BARHL1: variants seen among roughly 807,000 people sequenced by gnomAD.
BARHL1 encodes the protein barH-like 1 homeobox protein.
In BARHL1, 2 loss-of-function variants were observed where a neutral mutation model predicts 20.1. That is an observed-to-expected ratio of 0.10 (90% CI 0.04 to 0.31). The LOEUF is 0.31. Ranked by LOEUF, BARHL1 falls within the 10% of genes least tolerant of loss-of-function variation. The pLI is 1.00. For synonymous variants in BARHL1, 213 were observed against 209.9 expected, an observed-to-expected ratio of 1.01 and a Z score of -0.13; for missense variants, 397 against 454.0, an observed-to-expected ratio of 0.87 and a Z score of 1.14.
At chr9:132,584,167 A>AAGGG (rs915937470) in intron 1 of BARHL1, among the ~76,000 whole-genome samples, 67 of 139,170 alleles carry the variant, frequency 4.8e-4, no homozygotes, top group East Asian at 1.4e-3. Context: ...GGAAGGAAGG[A>AAGGG]AGGGAAAGGG....
At chr9:132,583,776 C>A (rs1417003949) in intron 1 of BARHL1, among the ~76,000 whole-genome samples, 1 of 152,204 alleles carries the variant, frequency 6.6e-6, no homozygotes, top group Admixed American at 6.5e-5. Flanking sequence ...CCAATGGGCC[C>A]AGTGTGATCC....
intron 1 of BARHL1, among the ~76,000 whole-genome samples, chr9:132,584,273 T>C (rs1426441019): frequency 6.6e-6 from 1 of 152,138 alleles, no homozygotes. Context: ...CAAAGTTCTT[T>C]CTAAGGGAGA....
chr9:132,587,039 C>A lies in BARHL1; in HGVS notation c.467-290C>A, dbSNP rs1442297666. 6.6e-6 allele frequency among the ~76,000 whole-genome samples: 1 copy of A among 152,220 alleles called. No individual in the cohort carries two copies. Among genetic ancestry groups the A allele is most frequent in the Admixed American group, 6.5e-5 (1 of 15,292 alleles). ...ATCCCTCCAGGGAGCGCGGGCAGAG[C>A]GCCGAGCGCGGCGCAGGGACTGGAG... On this transcript the variant is annotated intron_variant, in intron 1 of 2. Coordinates refer to ENST00000263610, the MANE Select transcript of BARHL1 (RefSeq NM_020064.4). This position sits in a 1 kb window ranked among gnomAD's most constrained non-coding sequence, Gnocchi z 5.5.
intron 2 of BARHL1, 49 bp from the exon 3 acceptor site, chr9:132,589,179 T>C: frequency 6.4e-7 from 1 of 1,550,790 alleles, no homozygotes; most frequent in Non-Finnish European, 8.7e-7. Flanking sequence ...CTGGGGTCGC[T>C]GGATGCCCTA....
In BARHL1 at chr9:132,590,248, A is replaced by C. The variant is rs1830197045; in HGVS notation, c.*726A>C. The C allele has an allele frequency of 6.6e-6, 1 of 152,260 alleles. No individual in the cohort carries two copies. The highest frequency in any genetic ancestry group is 2.4e-5 in the African/African-American group (1 of 41,410). The allele number at this position is 152,260 out of a possible 1,614,324, so 9.4% of individuals were successfully genotyped here. ...TAAATGTCGAAATAAACTTCTTACA[A>C]ATGACCAGGCGCCTGTCCGCGCTCG... On this transcript the variant is annotated 3_prime_UTR_variant, in exon 3 of 3. Transcript: ENST00000263610.
At chr9:132,585,922 G>A (rs2119133304) in intron 1 of BARHL1, among the ~76,000 whole-genome samples, 1 of 152,344 alleles carries the variant, frequency 6.6e-6, no homozygotes, top group East Asian at 1.9e-4. Flanking sequence ...TTGGATGATC[G>A]TTTCCTCAAA....
rs1830089131 is a variant in BARHL1, at chr9:132,582,812, T to C, written c.15T>C (p.Asn5=). 5.0e-6 allele frequency: 8 copies of C among 1,593,738 alleles called. No homozygotes were observed. The highest frequency in any genetic ancestry group is 1.3e-5 in the African/African-American group (1 of 74,496). ...GCAGCTTGGCTATGGAAGGCTCCAA[T>C]GGCTTTGGGATCGACTCCATTCTCT... MEGS[N]GFGIDSILSH... Residue 5 remains asparagine (N), a synonymous_variant, in exon 1 of 3, where the codon AAT becomes AAC. Transcript: ENST00000263610.
chr9:132,586,869 C>T (rs1830150017), intron 1 of BARHL1, among the ~76,000 whole-genome samples: 1 of 152,280 alleles, frequency 6.6e-6, no homozygotes, highest in African/African-American at 2.4e-5. Context: ...TCTCCCCAGA[C>T]CCCAGCCTTC....
Position 132,587,965 on chromosome 9 carries a change from G to A in BARHL1, c.689+414G>A, listed in dbSNP as rs1048378897. ...CCTGTGAAGAGGACGGCCAGGCAGT[G>A]GCCCTTGGGGTGTTGAAGCCTGGCC... On this transcript the variant is annotated intron_variant, in intron 2 of 2. Coordinates refer to ENST00000263610, the MANE Select transcript of BARHL1 (RefSeq NM_020064.4). This position sits in a 1 kb window ranked among gnomAD's most constrained non-coding sequence, Gnocchi z 5.5. Among the ~76,000 whole-genome samples, 2 of 152,222 alleles carry A rather than the reference G, an allele frequency of 1.3e-5. No homozygotes were observed. Among genetic ancestry groups the A allele is most frequent in the African/African-American group, 2.4e-5 (1 of 41,460 alleles).
chr9:132,584,570 C>T (rs1426219963), intron 1 of BARHL1, among the ~76,000 whole-genome samples: 2 of 149,412 alleles, frequency 1.3e-5, no homozygotes, highest in Admixed American at 6.7e-5. Flanking sequence ...TTAACACTCT[C>T]CTCCCAACCA....
intron 1 of BARHL1, among the ~76,000 whole-genome samples, chr9:132,583,960 TG>T (rs1307238702): frequency 6.6e-6 from 1 of 152,210 alleles, no homozygotes; most frequent in Non-Finnish European, 1.5e-5. Context: ...CCGGGTTTTA[TG>T]CAAGTTCCAG....
At chr9:132,588,286 G>A (rs906725813) in intron 2 of BARHL1, among the ~76,000 whole-genome samples, 8 of 152,052 alleles carry the variant, frequency 5.3e-5, no homozygotes, top group Admixed American at 2.6e-4. Flanking sequence ...ACACACGCAC[G>A]CACGCTCAGC....
chr9:132,589,375 G>T lies in BARHL1; in HGVS notation c.837G>T (p.Leu279=). 1.2e-6 allele frequency: 2 copies of T among 1,612,948 alleles called. No homozygotes were observed. The highest frequency in any genetic ancestry group is 2.7e-5 in the African/African-American group (2 of 75,006). ...TGGACCCCGGCGCGGCGCTCTACCTGTACCGCGGCCCCAGCGCGCCGCCGC... is the reference window on the plus strand; with the variant it reads ...TGGACCCCGGCGCGGCGCTCTACCTTTACCGCGGCCCCAGCGCGCCGCCGC... ...SNLDPGAALY[L]YRGPSAPPPA... is the part of the protein sequence containing the mutation. Residue 279 remains leucine, a synonymous_variant, in exon 3 of 3, where the codon CTG becomes CTT. Transcript: ENST00000263610.
rs573559026 is a variant in BARHL1, at chr9:132,588,290, G to A, written c.689+739G>A. Among the ~76,000 whole-genome samples the A allele has an allele frequency of 9.9e-5, 15 of 152,108 alleles. No homozygotes were observed. The East Asian group carries it at 2.3e-3, about 24-fold the overall frequency. The stretch of plus-strand genomic sequence containing the variant: ...AACTTGCAGTCACACACGCACGCAC[G>A]CTCAGCCCCACAGTCACTCGCACGC... On this transcript the variant is annotated intron_variant, in intron 2 of 2. Coordinates refer to ENST00000263610, the MANE Select transcript of BARHL1 (RefSeq NM_020064.4).
chr9:132,588,799 C>G (rs996546156), intron 2 of BARHL1, among the ~76,000 whole-genome samples: 1 of 37,068 alleles, frequency 2.7e-5, no homozygotes, highest in Non-Finnish European at 8.3e-5. Context: ...TGAAGAGCAC[C>G]CCCCCATCCC....
In BARHL1 at chr9:132,582,838, C is replaced by T; in HGVS notation, c.41C>T (p.Ser14Phe). 2 of 1,608,254 alleles carry T rather than the reference C, an allele frequency of 1.2e-6. No individual in the cohort carries two copies. Among genetic ancestry groups the T allele is most frequent in the Middle Eastern group, 2.2e-4 (1 of 4,588 alleles). ...SNGFGIDSIL[S>F]HRAGSPALPK... The stretch of plus-strand genomic sequence containing the variant: ...GGCTTTGGGATCGACTCCATTCTCT[C>T]CCACCGCGCGGGCAGCCCCGCCCTT... The change falls in exon 1 of 3, where the codon TCC (serine) becomes TTC (phenylalanine). Residue 14 changes from serine (S) to phenylalanine (F), a missense_variant. Ser to Phe is a radical substitution (Grantham distance 155). This residue lies in a region of BARHL1 where 272 missense variants were observed against 298.7 expected (regional missense o/e 0.91). Coordinates refer to ENST00000263610, the MANE Select transcript of BARHL1 (RefSeq NM_020064.4).
rs2119137407 is a variant in BARHL1, at chr9:132,589,655, G to C, written c.*133G>C. On this transcript the variant is annotated 3_prime_UTR_variant, in exon 3 of 3. Coordinates refer to ENST00000263610, the MANE Select transcript of BARHL1 (RefSeq NM_020064.4). ...CGGCCCTCCCTGGCGCCCCAGCCCA[G>C]TGCCCCCCGAAGGGCCAAATGCCAA... is the stretch of plus-strand genomic sequence containing the variant. The C allele has an allele frequency of 1.7e-6, 2 of 1,185,212 alleles. No homozygotes were observed. Among genetic ancestry groups the C allele is most frequent in the Middle Eastern group, 3.3e-4 (1 of 3,068 alleles). The allele number at this position is 1,185,212 out of a possible 1,614,324, so 73.4% of individuals were successfully genotyped here. A position where few individuals can be genotyped will look rare whatever the true frequency, so the allele number is the denominator to read the frequency against.
chr9:132,587,378 G>A lies in BARHL1; in HGVS notation c.516G>A (p.Pro172=), dbSNP rs760460429. 3.7e-6 allele frequency: 6 copies of A among 1,611,554 alleles called. No homozygotes were observed. Among genetic ancestry groups the A allele is most frequent in the East Asian group, 2.2e-5 (1 of 44,810 alleles). ...TCTCCAGCTCCAGGGACAGTCCCCCGGTGCGCCTGAAAAAGCCACGCAAGG... is the reference window on the plus strand; with the variant it reads ...TCTCCAGCTCCAGGGACAGTCCCCCAGTGCGCCTGAAAAAGCCACGCAAGG... ...REISSSRDSP[P]VRLKKPRKAR... is the part of the protein sequence containing the mutation. The change falls in exon 2 of 3, where the codon CCG becomes CCA. Residue 172 remains proline (P), a synonymous_variant. Transcript: ENST00000263610. The surrounding 1 kb of genome is among the most constrained non-coding windows in gnomAD (Gnocchi z 5.5).
chr9:132,589,180 G>A (rs1459512023), intron 2 of BARHL1, 48 bp from the exon 3 acceptor site: 3 of 1,551,444 alleles, frequency 1.9e-6, no homozygotes, highest in Non-Finnish European at 2.6e-6. Context: ...TGGGGTCGCT[G>A]GATGCCCTAG....
Sources: allele counts gnomAD v4.1 joint callset (sites outside exome capture counted in the v4.1 genomes callset), GRCh38; gene constraint gnomAD v4.1.1; regional missense constraint gnomAD v4.1.1; non-coding constraint Gnocchi (gnomAD v3.1); transcripts MANE v1.5; gene names NCBI Gene and HGNC (gene_info 2026-07-23, HGNC 2026-07-21).